DNAH6: variants seen among roughly 807,000 people sequenced by gnomAD.
DNAH6 encodes axonemal beta dynein heavy chain 6.
In DNAH6, 340 loss-of-function variants were observed where a neutral mutation model predicts 491.4. The ratio of observed to expected loss-of-function variants is 0.69; its 90% CI spans 0.63 to 0.76. The LOEUF (loss-of-function observed/expected upper bound fraction) is 0.76. Among genes scored for constraint, DNAH6 ranks in the 30% least tolerant of loss-of-function variants. DNAH6 has a pLI of 0.00. For synonymous variants in DNAH6, 1,603 were observed against 1,686.1 expected (o/e 0.95, Z 1.21); for missense variants, 4,443 against 4,972.2 (o/e 0.89, Z 3.20).
At chr2:84,544,177 G>A (rs948105185) in intron 4 of DNAH6, 56 bp from the exon 5 acceptor site, 3 of 923,460 alleles carry the variant, frequency 3.2e-6, no homozygotes, top group Admixed American at 6.4e-5. Flanking sequence ...CAATGCAATT[G>A]CTTCATTTTG....
intron 64 of DNAH6, among the ~76,000 whole-genome samples, chr2:84,778,459 T>C (rs1476143074): frequency 6.6e-6 from 1 of 152,202 alleles, no homozygotes; most frequent in Non-Finnish European, 1.5e-5. Context: ...ATTGCAATAT[T>C]AGATCATGAA....
chr2:84,533,438 C>G (rs1677370247), intron 4 of DNAH6, among the ~76,000 whole-genome samples: 1 of 152,014 alleles, frequency 6.6e-6, no homozygotes, highest in Admixed American at 6.6e-5. Context: ...GAGATATGTT[C>G]AATATTTTGA....
At chr2:84,747,116 T>C (rs1416146082) in intron 63 of DNAH6, among the ~76,000 whole-genome samples, 2 of 152,088 alleles carry the variant, frequency 1.3e-5, no homozygotes, top group African/African-American at 4.8e-5. Flanking sequence ...ACTATATTAT[T>C]CCACTCCTGG....
intron 70 of DNAH6, among the ~76,000 whole-genome samples, chr2:84,800,294 A>G (rs900329957): frequency 1.8e-4 from 28 of 152,244 alleles, no homozygotes; most frequent in African/African-American, 6.8e-4. Flanking sequence ...ATAAAGAGGC[A>G]TCAATTCCTT....
intron 29 of DNAH6, among the ~76,000 whole-genome samples, chr2:84,630,704 C>T (rs1688320630): frequency 6.6e-6 from 1 of 152,128 alleles, no homozygotes; most frequent in Non-Finnish European, 1.5e-5. Flanking sequence ...AATATCAGTA[C>T]CATTGAGGAC....
chr2:84,719,975 A>T (rs1697943798), intron 59 of DNAH6, among the ~76,000 whole-genome samples: 1 of 152,200 alleles, frequency 6.6e-6, no homozygotes, highest in South Asian at 2.1e-4. Flanking sequence ...ATAGCTGAAC[A>T]TTAAATGTTA....
chr2:84,708,774 A>G (rs1440834120), intron 54 of DNAH6, among the ~76,000 whole-genome samples: 2 of 152,182 alleles, frequency 1.3e-5, no homozygotes, highest in East Asian at 3.8e-4. Context: ...AAAAATGTTT[A>G]CCCTTGTCCT....
Position 84,819,546 on chromosome 2 carries a change from C to G in DNAH6, c.*138C>G, listed in dbSNP as rs910524664. 5.9e-5 allele frequency: 32 copies of G among 546,428 alleles called. No individual in the cohort carries two copies. The highest frequency in any genetic ancestry group is 9.2e-5 in the Non-Finnish European group (29 of 315,900). The allele number at this position is 546,428 out of a possible 1,614,324, so 33.8% of individuals were successfully genotyped here. ...TAAACGTATTGTGACTTTTATTTCT[C>G]TTATGACCTTAAAATAAAGTGTTTG... On this transcript the variant is annotated 3_prime_UTR_variant, in exon 77 of 77. Coordinates refer to ENST00000389394, the MANE Select transcript of DNAH6 (RefSeq NM_001370.2).
At chr2:84,777,913 A>C in intron 64 of DNAH6, 1 of 1,143,090 alleles carries the variant, frequency 8.7e-7, no homozygotes, top group Non-Finnish European at 1.3e-6. Context: ...TGTTCACGTT[A>C]GGCTGGACCA....
At chr2:84,790,483 T>C (rs550463865) in intron 68 of DNAH6, among the ~76,000 whole-genome samples, 11 of 152,354 alleles carry the variant, frequency 7.2e-5, no homozygotes, top group Non-Finnish European at 1.0e-4. Context: ...TTGCAAATCA[T>C]ATATCTGATA....
chr2:84,478,653 G>A, the DNAH6 span, among the ~76,000 whole-genome samples: 3 of 152,126 alleles, frequency 2.0e-5, no homozygotes, highest in Non-Finnish European at 4.4e-5. Context: ...CTGTGTGCAA[G>A]AGTACCCCGG....
At chr2:84,521,725 A>T (rs1249822868) in intron 2 of DNAH6, among the ~76,000 whole-genome samples, 1 of 152,166 alleles carries the variant, frequency 6.6e-6, no homozygotes, top group East Asian at 1.9e-4. Context: ...TTTATTGAAT[A>T]GGGAGTCCTT....
chr2:84,661,346 C>T (rs922207933), intron 37 of DNAH6, among the ~76,000 whole-genome samples: 1 of 150,782 alleles, frequency 6.6e-6, no homozygotes, highest in Non-Finnish European at 1.5e-5. Flanking sequence ...TGCAATAAGG[C>T]AAGAAAAAGA....
At chr2:84,497,021 A>T in the DNAH6 span, among the ~76,000 whole-genome samples, 1 of 146,524 alleles carries the variant, frequency 6.8e-6, no homozygotes. Context: ...CCCATGCTGG[A>T]GTGCAGTGAC....
intron 68 of DNAH6, among the ~76,000 whole-genome samples, chr2:84,789,261 G>A (rs1677515861): frequency 6.6e-6 from 1 of 152,166 alleles, no homozygotes; most frequent in Non-Finnish European, 1.5e-5. Context: ...ACAATTAACA[G>A]CAGAAACAAC....
chr2:84,765,127 T>C (rs1029092391), intron 64 of DNAH6, among the ~76,000 whole-genome samples: 1 of 152,066 alleles, frequency 6.6e-6, no homozygotes, highest in Non-Finnish European at 1.5e-5. Context: ...TGTAAAATTA[T>C]TAAACAAGCA....
rs1692103371 is a variant in DNAH6 at position 84,666,156 on chromosome 2, G to A, written c.6085-3133G>A. 2.0e-5 allele frequency among the ~76,000 whole-genome samples: 3 copies of A among 152,258 alleles called. No individual in the cohort carries two copies. In the South Asian group the frequency reaches 6.2e-4, roughly 32 times the overall value. On this transcript the variant is annotated intron_variant, in intron 37 of 76. Transcript: ENST00000389394. ...CCACAGCCAATATCATATCAAAGGG[G>A]CAGAAACTGGAAGCATTCCCTTTGA...
rs144636927 is a variant in DNAH6, at chr2:84,730,384, C to G, written c.10206+2482C>G. On this transcript the variant is annotated intron_variant, in intron 61 of 76. Coordinates refer to ENST00000389394, the MANE Select transcript of DNAH6 (RefSeq NM_001370.2). The stretch of plus-strand genomic sequence containing the variant: ...TAAATGGATTTCTGCAAATTGAGGT[C>G]TCCAGGCTATTCTCATTGGGTATAT... 4.6e-3 allele frequency among the ~76,000 whole-genome samples: 694 copies of G among 152,262 alleles called. 2 individuals carry two copies. Among genetic ancestry groups the G allele is most frequent in the South Asian group, 8.3e-3 (40 of 4,820 alleles).
chr2:84,749,903 G>T (rs867844502), intron 63 of DNAH6, among the ~76,000 whole-genome samples: 6 of 152,132 alleles, frequency 3.9e-5, no homozygotes, highest in African/African-American at 1.2e-4. Flanking sequence ...CTTTTCAAAG[G>T]TAAATAGGAG....
Sources: allele counts gnomAD v4.1 joint callset (sites outside exome capture counted in the v4.1 genomes callset), GRCh38; gene constraint gnomAD v4.1.1; transcripts MANE v1.5; gene names NCBI Gene and HGNC (gene_info 2026-07-23, HGNC 2026-07-21).